The following SOX6 variants were observed in gnomAD, a reference collection of about 807,000 sequenced individuals.
SOX6 encodes the protein transcription factor SOX-6.
Under a neutral mutation model 97.8 loss-of-function variants are expected in SOX6, and 11 were observed. The ratio of observed to expected loss-of-function variants is 0.11; its 90% CI spans 0.07 to 0.19. The LOEUF is 0.19. SOX6 is among the 10% of genes least tolerant of loss of function. The pLI is 1.00. For missense variants in SOX6, 810 were observed against 1,039.5 expected, an observed-to-expected ratio of 0.78 and a Z score of 3.04; for synonymous variants, 360 against 371.4, an observed-to-expected ratio of 0.97 and a Z score of 0.35.
chr11:16,066,297 G>A (rs1310239671), intron 9 of SOX6, among the ~76,000 whole-genome samples: 1 of 152,154 alleles, frequency 6.6e-6, no homozygotes, highest in African/African-American at 2.4e-5. Context: ...CCTGTACACT[G>A]TTGGTGAGAA....
chr11:16,612,748 C>T (rs902970719), intron 3 of SOX6, among the ~76,000 whole-genome samples: 1 of 152,024 alleles, frequency 6.6e-6, no homozygotes, highest in African/African-American at 2.4e-5. Flanking sequence ...CCCCACGTCA[C>T]CCTCCTCCAT....
intron 4 of SOX6, among the ~76,000 whole-genome samples, chr11:16,522,071 G>A (rs1861075060): frequency 6.6e-6 from 1 of 152,126 alleles, no homozygotes; most frequent in Non-Finnish European, 1.5e-5. Flanking sequence ...ATATTATCCA[G>A]GAGAACTTCC....
At chr11:16,173,195 C>A (rs1851086548) in intron 6 of SOX6, among the ~76,000 whole-genome samples, 1 of 151,924 alleles carries the variant, frequency 6.6e-6, no homozygotes, top group African/African-American at 2.4e-5. Flanking sequence ...GGCATCCACA[C>A]AACTGCTTTT....
chr11:16,007,871 C>T (rs879857124), intron 13 of SOX6, among the ~76,000 whole-genome samples: 1 of 152,062 alleles, frequency 6.6e-6, no homozygotes, highest in South Asian at 2.1e-4. Flanking sequence ...GCAGTCCCAT[C>T]GGGAACATAT....
chr11:16,613,943 G>A lies in SOX6; in HGVS notation n.430-1683C>T, dbSNP rs2133984352. Among the ~76,000 whole-genome samples the A allele has an allele frequency of 6.6e-6, 1 of 152,276 alleles. No homozygotes were observed. The highest frequency in any genetic ancestry group is 2.4e-5 in the African/African-American group (1 of 41,568). On this transcript the variant is annotated intron_variant and non_coding_transcript_variant, in intron 3 of 5. Coordinates refer to the SOX6 transcript ENST00000524520. This position sits in a 1 kb window ranked among gnomAD's most constrained non-coding sequence, Gnocchi z 4.6. The stretch of plus-strand genomic sequence containing the variant: ...CCGCCTGAAAGAGAAGCAAAGGGAG[G>A]GCGCCCTGCGGGCGGGCGGGCCACG...
chr11:16,064,612 T>C (rs1305163914), intron 9 of SOX6, among the ~76,000 whole-genome samples: 1 of 151,368 alleles, frequency 6.6e-6, no homozygotes, highest in Non-Finnish European at 1.5e-5. Context: ...GCAAAAATCC[T>C]CAACAAAATA....
At chr11:16,418,569 A>G (rs1051356076) in intron 1 of SOX6, among the ~76,000 whole-genome samples, 7 of 152,182 alleles carry the variant, frequency 4.6e-5, no homozygotes. Context: ...CTCGAGGCCG[A>G]CTTCAATCTG....
chr11:16,528,840 GA>G (rs1861202279), intron 4 of SOX6, among the ~76,000 whole-genome samples: 1 of 152,064 alleles, frequency 6.6e-6, no homozygotes, highest in Non-Finnish European at 1.5e-5. Context: ...CAGGCCATAA[GA>G]AAAGCACTAG....
intron 15 of SOX6, among the ~76,000 whole-genome samples, chr11:15,982,513 G>C (rs572441800): frequency 6.6e-6 from 1 of 151,964 alleles, no homozygotes. Flanking sequence ...AACAAAATCT[G>C]AGGATGCTCA....
chr11:16,428,796 C>T (rs1054463185), intron 1 of SOX6, among the ~76,000 whole-genome samples: 37 of 152,238 alleles, frequency 2.4e-4, no homozygotes, highest in Middle Eastern at 3.4e-3. Flanking sequence ...TTAGGATTGA[C>T]TTGGAAATGC....
chr11:16,074,224 GAACA>G (rs1388150904), intron 9 of SOX6, among the ~76,000 whole-genome samples: 7 of 151,604 alleles, frequency 4.6e-5, no homozygotes, highest in African/African-American at 1.5e-4. Context: ...AAAGAAAACA[GAACA>G]AATAAACACA....
intron 1 of SOX6, among the ~76,000 whole-genome samples, chr11:16,459,513 A>C (rs956012732): frequency 2.6e-5 from 4 of 152,096 alleles, no homozygotes; most frequent in Non-Finnish European, 5.9e-5. Flanking sequence ...TCCAGAAATG[A>C]CATAGATGAT....
intron 9 of SOX6, among the ~76,000 whole-genome samples, chr11:16,092,883 C>T (rs933150992): frequency 9.2e-5 from 14 of 151,504 alleles, no homozygotes; most frequent in Admixed American, 2.6e-4. Flanking sequence ...AGCTTAGTTC[C>T]CACGACAATA....
intron 4 of SOX6, among the ~76,000 whole-genome samples, chr11:16,509,353 T>A (rs1012322086): frequency 1.3e-5 from 2 of 151,972 alleles, no homozygotes; most frequent in Admixed American, 6.6e-5. Flanking sequence ...CTATGCACAG[T>A]TAATGCTATT....
chr11:15,978,405 T>G (rs1853555779), intron 15 of SOX6, among the ~76,000 whole-genome samples: 1 of 151,958 alleles, frequency 6.6e-6, no homozygotes, highest in Non-Finnish European at 1.5e-5. Flanking sequence ...GTTACCCAGA[T>G]CTATAACACG....
chr11:16,439,384 T>G (rs1013760478), intron 1 of SOX6, among the ~76,000 whole-genome samples: 2 of 152,212 alleles, frequency 1.3e-5, no homozygotes, highest in Non-Finnish European at 2.9e-5. Context: ...ATAGCCAATG[T>G]GTAATGGCAT....
At chr11:16,683,029 G>C (rs1184069410) in intron 3 of SOX6, among the ~76,000 whole-genome samples, 3 of 152,154 alleles carry the variant, frequency 2.0e-5, no homozygotes, top group Non-Finnish European at 4.4e-5. Context: ...ACTTACAAGG[G>C]ATGTGAAGGA....
At chr11:16,330,304 A>G (rs763222718) in intron 2 of SOX6, among the ~76,000 whole-genome samples, 6 of 152,212 alleles carry the variant, frequency 3.9e-5, no homozygotes, top group Non-Finnish European at 8.8e-5. Flanking sequence ...CTATAATCCC[A>G]GCACTTTGGG....
At chr11:16,714,014 G>A (rs1286837331) in intron 3 of SOX6, among the ~76,000 whole-genome samples, 1 of 152,096 alleles carries the variant, frequency 6.6e-6, no homozygotes, top group Non-Finnish European at 1.5e-5. Flanking sequence ...CCTCCATCAT[G>A]AACCACTTAG....
Sources: gnomAD v4.1 joint callset for allele counts (sites outside exome capture counted in the v4.1 genomes callset) on GRCh38, gnomAD v4.1.1 for gene constraint, Gnocchi (gnomAD v3.1) non-coding constraint, MANE v1.5 for transcripts, NCBI Gene and HGNC (gene_info 2026-07-23, HGNC 2026-07-21) for gene names.